The following LRRC37A2 variants were observed in gnomAD, a reference collection of about 807,000 sequenced individuals.
LRRC37A2 encodes the protein leucine-rich repeat-containing protein 37A2.
A neutral mutation model predicts 68.8 loss-of-function variants in LRRC37A2; 9 were observed. The ratio of observed to expected loss-of-function variants is 0.13; its 90% CI spans 0.08 to 0.23. LRRC37A2 has a LOEUF of 0.23. Among genes scored for constraint, LRRC37A2 ranks in the 10% least tolerant of loss-of-function variants. The pLI is 1.00. For synonymous variants in LRRC37A2, 63 were observed against 367.6 expected (o/e 0.17, Z 9.48); for missense variants, 168 against 950.4 (o/e 0.18, Z 10.82).
At chr17:46,800,031 G>A in the LRRC37A2 span, among the ~76,000 whole-genome samples, 1 of 152,160 alleles carries the variant, frequency 6.6e-6, no homozygotes, top group Non-Finnish European at 1.5e-5. Flanking sequence ...GTCCCAGAGA[G>A]TGGGGACCAG....
chr17:46,964,907 C>T, the LRRC37A2 span: 162 of 152,374 alleles, frequency 1.1e-3, no homozygotes, highest in African/African-American at 3.7e-3. Context: ...GATTTGGCCT[C>T]TAACTGCAAG....
chr17:46,499,340 G>GGC, the LRRC37A2 span, among the ~76,000 whole-genome samples: 2 of 140,548 alleles, frequency 1.4e-5, no homozygotes, highest in Non-Finnish European at 3.1e-5. Flanking sequence ...AAAAAAGGTG[G>GGC]GGGGACAATG....
At chr17:46,797,998 G>A in the LRRC37A2 span, among the ~76,000 whole-genome samples, 9 of 152,164 alleles carry the variant, frequency 5.9e-5, no homozygotes, top group South Asian at 1.9e-3. Flanking sequence ...GCGTGATCCC[G>A]GCTCTCTGCA....
chr17:46,801,647 A>G, the LRRC37A2 span, among the ~76,000 whole-genome samples: 11 of 148,106 alleles, frequency 7.4e-5, no homozygotes, highest in African/African-American at 2.7e-4. Context: ...GAATTGAATT[A>G]AATTAAATTA....
the LRRC37A2 span, among the ~76,000 whole-genome samples, chr17:46,498,801 C>T: frequency 1.3e-5 from 2 of 149,344 alleles, no homozygotes; most frequent in East Asian, 2.0e-4. Context: ...GTTGTTTCTC[C>T]TCTTAAGCTC....
At chr17:46,999,239 G>C in the LRRC37A2 span, among the ~76,000 whole-genome samples, 24 of 152,296 alleles carry the variant, frequency 1.6e-4, no homozygotes, top group African/African-American at 5.8e-4. Flanking sequence ...TGTGACTTTG[G>C]GCGTTTCTTA....
chr17:46,932,407 A>C, the LRRC37A2 span: 6 of 623,402 alleles, frequency 9.6e-6, no homozygotes, highest in East Asian at 1.6e-4. Flanking sequence ...CCTGAAGAGG[A>C]AGCAGTTAAA....
the LRRC37A2 span, among the ~76,000 whole-genome samples, chr17:47,046,172 C>T: frequency 8.0e-6 from 1 of 125,572 alleles, no homozygotes; most frequent in East Asian, 2.2e-4. Context: ...ACTGAAAATA[C>T]AAAAGTACAA....
the LRRC37A2 span, among the ~76,000 whole-genome samples, chr17:46,994,913 A>G: frequency 6.6e-6 from 1 of 152,132 alleles, no homozygotes; most frequent in Non-Finnish European, 1.5e-5. Context: ...CTTGAGTCCA[A>G]GAGTTTGAGA....
chr17:47,008,403 G>GC, the LRRC37A2 span, among the ~76,000 whole-genome samples: 1 of 151,656 alleles, frequency 6.6e-6, no homozygotes, highest in Non-Finnish European at 1.5e-5. Context: ...GAGCCACCAC[G>GC]CCTGGCCCAA....
At chr17:47,010,092 A>G in the LRRC37A2 span, among the ~76,000 whole-genome samples, 2 of 152,182 alleles carry the variant, frequency 1.3e-5, no homozygotes, top group African/African-American at 4.8e-5. Flanking sequence ...AGGGACATTT[A>G]TTGTTTCTCA....
the LRRC37A2 span, chr17:46,872,728 C>T: frequency 2.1e-5 from 33 of 1,609,346 alleles, no homozygotes; most frequent in Non-Finnish European, 2.7e-5. Context: ...CCGGCATGAG[C>T]GCTGGAACTG....
the LRRC37A2 span, among the ~76,000 whole-genome samples, chr17:46,890,312 G>A: frequency 6.6e-6 from 1 of 152,208 alleles, no homozygotes; most frequent in Non-Finnish European, 1.5e-5. Context: ...CCAGCTGGAG[G>A]GTGCTTCAGG....
chr17:46,830,546 A>G, the LRRC37A2 span: 3 of 397,368 alleles, frequency 7.5e-6, no homozygotes, highest in Non-Finnish European at 1.3e-5. Flanking sequence ...ACACCTGGCC[A>G]GAAATCATAT....
the LRRC37A2 span, among the ~76,000 whole-genome samples, chr17:46,979,726 C>T: frequency 2.0e-5 from 3 of 152,082 alleles, no homozygotes; most frequent in Non-Finnish European, 4.4e-5. Context: ...GCCTCCTTCC[C>T]TACACCCTCC....
chr17:46,896,440 AAG>A, the LRRC37A2 span, among the ~76,000 whole-genome samples: 2,309 of 73,344 alleles, frequency 0.031, 30 homozygotes, highest in African/African-American at 0.039. Flanking sequence ...GAAAGAAAGA[AAG>A]AAAGAAAGAA....
chr17:46,944,013 A>G, the LRRC37A2 span, among the ~76,000 whole-genome samples: 6 of 152,048 alleles, frequency 3.9e-5, no homozygotes, highest in Non-Finnish European at 8.8e-5. Context: ...TAGCAATTCC[A>G]TTAGTGTGGT....
At chr17:47,037,708 G>T in the LRRC37A2 span, among the ~76,000 whole-genome samples, 4 of 152,352 alleles carry the variant, frequency 2.6e-5, no homozygotes, top group South Asian at 2.1e-4. Flanking sequence ...TAATTCTTCT[G>T]TAAGTATTTG....
At chr17:46,983,784 C>T in the LRRC37A2 span, among the ~76,000 whole-genome samples, 2 of 152,196 alleles carry the variant, frequency 1.3e-5, no homozygotes, top group Non-Finnish European at 2.9e-5. Context: ...CTATAAGCAG[C>T]TTAGGTGGGT....
Sources: allele counts gnomAD v4.1 joint callset (sites outside exome capture counted in the v4.1 genomes callset), GRCh38; gene constraint gnomAD v4.1.1; transcripts MANE v1.5; gene names NCBI Gene and HGNC (gene_info 2026-07-23, HGNC 2026-07-21).